Variants in ZFHX3 observed in about 807,000 individuals in gnomAD.
ZFHX3 encodes the protein zinc finger homeobox 3, also known as zinc finger homeobox protein 3.
ZFHX3 carries 42 observed loss-of-function variants against 279.1 expected under a neutral mutation model. That is an observed-to-expected ratio of 0.15 (90% CI 0.12 to 0.19). The LOEUF (loss-of-function observed/expected upper bound fraction) is 0.19, where lower values mean the gene tolerates loss of function less well. ZFHX3 is among the 10% of genes least tolerant of loss of function. The pLI is 1.00. For synonymous variants in ZFHX3, 2,293 were observed against 1,957.8 expected, an observed-to-expected ratio of 1.17 and a Z score of -4.52; for missense variants, 4,981 against 4,754.0, an observed-to-expected ratio of 1.05 and a Z score of -1.40.
At position 72,867,233 on chromosome 16, in the gene ZFHX3, G is replaced by T. The variant is rs536953151; in HGVS notation, c.3448+22498C>A. On this transcript the variant is annotated intron_variant, in intron 4 of 9. Transcript: ENST00000268489. ...CTCAGCATTAATTCTACTCCACCAG[G>T]TGTCAATAATGTCAGTGTGGCATAT... Among the ~76,000 whole-genome samples the T allele has an allele frequency of 3.0e-4, 46 of 152,212 alleles. 1 individual carries two copies. The highest frequency in any genetic ancestry group is 5.9e-4 in the Non-Finnish European group (40 of 68,020).
At chr16:73,212,572 T>G (rs1191018941) in intron 5 of ZFHX3, among the ~76,000 whole-genome samples, 1 of 152,242 alleles carries the variant, frequency 6.6e-6, no homozygotes, top group East Asian at 1.9e-4. Flanking sequence ...GGCATACTGA[T>G]ATGTTGCAAA....
chr16:73,532,616 A>T (rs2019825693), intron 2 of ZFHX3, among the ~76,000 whole-genome samples: 1 of 152,160 alleles, frequency 6.6e-6, no homozygotes, highest in Non-Finnish European at 1.5e-5. Context: ...CTCACTCCCC[A>T]CTTACTAGGA....
chr16:72,941,085 C>T (rs1183036578), intron 3 of ZFHX3, among the ~76,000 whole-genome samples: 1 of 152,254 alleles, frequency 6.6e-6, no homozygotes, highest in Non-Finnish European at 1.5e-5. Context: ...GCAGCTTCAA[C>T]ATCTGGCCAA....
At chr16:73,172,946 T>TC (rs1323232396) in intron 5 of ZFHX3, among the ~76,000 whole-genome samples, 12 of 144,220 alleles carry the variant, frequency 8.3e-5, no homozygotes, top group Non-Finnish European at 1.4e-4. Context: ...TTTTTTTTTT[T>TC]TTCTTTCTTT....
chr16:73,344,762 A>C (rs1270870572), intron 3 of ZFHX3, among the ~76,000 whole-genome samples: 1 of 152,210 alleles, frequency 6.6e-6, no homozygotes, highest in Non-Finnish European at 1.5e-5. Flanking sequence ...GAGAAAAGGC[A>C]TGAATGGTAA....
At chr16:73,141,242 T>C (rs954676770) in intron 6 of ZFHX3, among the ~76,000 whole-genome samples, 6 of 152,182 alleles carry the variant, frequency 3.9e-5, no homozygotes, top group African/African-American at 1.4e-4. Flanking sequence ...CAGTGGGAAC[T>C]CATGGAACTG....
chr16:73,584,333 C>A (rs1461986031), intron 2 of ZFHX3, among the ~76,000 whole-genome samples: 2 of 152,096 alleles, frequency 1.3e-5, no homozygotes, highest in African/African-American at 4.8e-5. Context: ...CATATCTAAA[C>A]CTCTCATAAT....
intron 1 of ZFHX3, among the ~76,000 whole-genome samples, chr16:73,018,740 G>A (rs905127674): frequency 4.6e-5 from 7 of 152,304 alleles, no homozygotes; most frequent in African/African-American, 1.7e-4. Flanking sequence ...CTCCCTGAAG[G>A]ACTGAAGCTA....
intron 5 of ZFHX3, among the ~76,000 whole-genome samples, chr16:72,823,905 T>A: frequency 6.6e-6 from 1 of 152,152 alleles, no homozygotes; most frequent in East Asian, 1.9e-4. Context: ...ACACGTTTCC[T>A]CTCAGCACAT....
intron 5 of ZFHX3, among the ~76,000 whole-genome samples, chr16:73,206,310 C>T (rs978095995): frequency 1.3e-5 from 2 of 152,162 alleles, no homozygotes; most frequent in African/African-American, 4.8e-5. Context: ...CAAGATCTTG[C>T]TGTGCCCCCA....
chr16:73,804,030 A>G (rs328390), intron 1 of ZFHX3, among the ~76,000 whole-genome samples: 23,595 of 152,072 alleles, frequency 0.16, 5,372 homozygotes, highest in African/African-American at 0.5. Flanking sequence ...GGTGGCACAC[A>G]TCTGTAGCCC....
At chr16:73,565,264 A>G (rs2020433975) in intron 2 of ZFHX3, among the ~76,000 whole-genome samples, 1 of 152,166 alleles carries the variant, frequency 6.6e-6, no homozygotes, top group Non-Finnish European at 1.5e-5. Flanking sequence ...AAAAAAAAAA[A>G]AAGACATTAC....
intron 5 of ZFHX3, among the ~76,000 whole-genome samples, chr16:73,205,785 A>C (rs377292152): frequency 1.7e-3 from 255 of 152,328 alleles, no homozygotes; most frequent in African/African-American, 5.9e-3. Flanking sequence ...TTTGGTGGAA[A>C]TTAGAAAGAA....
chr16:72,882,084 C>T (rs574821406), intron 4 of ZFHX3, among the ~76,000 whole-genome samples: 6 of 152,154 alleles, frequency 3.9e-5, no homozygotes, highest in South Asian at 2.1e-4. Context: ...AGAGGACCCC[C>T]GCCCAATGCT....
intron 2 of ZFHX3, among the ~76,000 whole-genome samples, chr16:73,613,044 C>G (rs534208966): frequency 2.0e-5 from 3 of 152,214 alleles, no homozygotes; most frequent in South Asian, 4.1e-4. Context: ...AGATATCAAG[C>G]TGGAGGATTT....
chr16:73,725,540 A>AGTGTGTGTGT (rs35247672), intron 1 of ZFHX3, among the ~76,000 whole-genome samples: 1 of 148,254 alleles, frequency 6.7e-6, no homozygotes, highest in African/African-American at 2.5e-5. Context: ...AGTGTGAGTG[A>AGTGTGTGTGT]GTGTGTGTGT....
At position 73,716,653 on chromosome 16, in the gene ZFHX3, ATGCACG is replaced by A. The variant is rs764246973; in HGVS notation, c.-1607-36419_-1607-36414del. Among the ~76,000 whole-genome samples the A allele has an allele frequency of 9.5e-3, 1,269 of 133,354 alleles. 21 individuals carry two copies. Among genetic ancestry groups the A allele is most frequent in the African/African-American group, 0.033 (1,203 of 36,054 alleles). 87.5% of individuals were successfully genotyped at this position (133,354 alleles called of 152,430 possible). ...CACACACACACACACACACACACGCATGCACGCACGCACAGACCTAACCGCCCTCCT... is the reference window on the plus strand; with the variant it reads ...CACACACACACACACACACACACGCACACGCACAGACCTAACCGCCCTCCT... On this transcript the variant is annotated intron_variant, in intron 1 of 17. Transcript: ENST00000641206.
chr16:72,955,087 T>C (rs1961187870), intron 2 of ZFHX3, among the ~76,000 whole-genome samples: 1 of 152,166 alleles, frequency 6.6e-6, no homozygotes, highest in Admixed American at 6.5e-5. Context: ...ATTCCAAGTC[T>C]TTTGGACACT....
intron 1 of ZFHX3, among the ~76,000 whole-genome samples, chr16:73,886,181 C>T (rs2030338820): frequency 6.6e-6 from 1 of 151,998 alleles, no homozygotes; most frequent in South Asian, 2.1e-4. Flanking sequence ...AAACCTACAC[C>T]TCAAATTCTG....
Sources: gnomAD v4.1 joint callset for allele counts (sites outside exome capture counted in the v4.1 genomes callset) on GRCh38, gnomAD v4.1.1 for gene constraint, MANE v1.5 for transcripts, NCBI Gene and HGNC (gene_info 2026-07-23, HGNC 2026-07-21) for gene names.